Variants in TMTC2 observed in about 807,000 individuals in gnomAD.
The protein encoded by TMTC2 is transmembrane O-mannosyltransferase targeting cadherins 2.
In TMTC2, 43 loss-of-function variants were observed where a neutral mutation model predicts 82.4. The observed-to-expected ratio is 0.52, with a 90% CI of 0.41 to 0.67. The LOEUF (loss-of-function observed/expected upper bound fraction) is 0.67, where lower values mean the gene tolerates loss of function less well. TMTC2 is among the 30% of genes least tolerant of loss of function. The pLI is 0.00. For synonymous variants in TMTC2, 408 were observed against 381.9 expected, an observed-to-expected ratio of 1.07 and a Z score of -0.80; for missense variants, 919 against 1,012.4, an observed-to-expected ratio of 0.91 and a Z score of 1.25.
chr12:82,828,234 G>A (rs1387283339), intron 1 of TMTC2, among the ~76,000 whole-genome samples: 1 of 90,492 alleles, frequency 1.1e-5, no homozygotes, highest in Non-Finnish European at 2.0e-5. Context: ...TTTTTTTTCT[G>A]AGGCAGTCTC....
At chr12:82,999,412 G>A (rs904243500) in intron 8 of TMTC2, among the ~76,000 whole-genome samples, 1 of 152,128 alleles carries the variant, frequency 6.6e-6, no homozygotes, top group Non-Finnish European at 1.5e-5. Flanking sequence ...TGATAACATG[G>A]CTTGAGGTAG....
chr12:82,936,535 C>A (rs1359540994), intron 4 of TMTC2, among the ~76,000 whole-genome samples: 1 of 151,902 alleles, frequency 6.6e-6, no homozygotes, highest in Non-Finnish European at 1.5e-5. Flanking sequence ...AAGATTTAAA[C>A]ACCATTATCA....
chr12:82,792,103 T>G (rs1222254374), intron 1 of TMTC2, among the ~76,000 whole-genome samples: 2 of 151,254 alleles, frequency 1.3e-5, no homozygotes, highest in Non-Finnish European at 3.0e-5. Context: ...GTGAACAGCC[T>G]TGAGTTAAAA....
chr12:82,984,893 A>G (rs1879087126), intron 7 of TMTC2, among the ~76,000 whole-genome samples: 1 of 152,050 alleles, frequency 6.6e-6, no homozygotes, highest in South Asian at 2.1e-4. Context: ...GGTAGCTAAA[A>G]TATATATTAT....
At chr12:82,927,265 T>A (rs112931525) in intron 3 of TMTC2, among the ~76,000 whole-genome samples, 1 of 152,164 alleles carries the variant, frequency 6.6e-6, no homozygotes, top group Non-Finnish European at 1.5e-5. Flanking sequence ...CCAATCCTTA[T>A]GGATACCTTT....
intron 4 of TMTC2, among the ~76,000 whole-genome samples, chr12:82,936,558 TCTAA>T (rs1208044032): frequency 6.6e-6 from 1 of 152,108 alleles, no homozygotes; most frequent in Non-Finnish European, 1.5e-5. Context: ...TAGGCTTTAG[TCTAA>T]GATTTGTGGT....
intron 1 of TMTC2, among the ~76,000 whole-genome samples, chr12:82,723,934 A>T (rs1874324099): frequency 6.6e-6 from 1 of 152,186 alleles, no homozygotes; most frequent in Non-Finnish European, 1.5e-5. Flanking sequence ...ACCACCTGAA[A>T]TTCAGCCCCA....
intron 4 of TMTC2, among the ~76,000 whole-genome samples, chr12:82,961,030 G>A (rs912129963): frequency 1.3e-5 from 2 of 151,752 alleles, no homozygotes; most frequent in African/African-American, 4.8e-5. Flanking sequence ...CTTACCTGTT[G>A]TTTGACCTTA....
At chr12:83,060,298 G>A (rs1882693273) in intron 10 of TMTC2, among the ~76,000 whole-genome samples, 1 of 151,634 alleles carries the variant, frequency 6.6e-6, no homozygotes, top group Non-Finnish European at 1.5e-5. Flanking sequence ...CCAGAGAGAT[G>A]TTATCTTCAG....
chr12:83,017,486 T>G (rs556560478), intron 8 of TMTC2, among the ~76,000 whole-genome samples: 124 of 152,330 alleles, frequency 8.1e-4, no homozygotes, highest in Non-Finnish European at 1.4e-3. Context: ...TGTGCACCGT[T>G]ACCTTGAAAC....
At chr12:83,028,568 A>G (rs1881278036) in intron 8 of TMTC2, among the ~76,000 whole-genome samples, 1 of 151,952 alleles carries the variant, frequency 6.6e-6, no homozygotes, top group Non-Finnish European at 1.5e-5. Context: ...CGTATCCACC[A>G]TTACTGTATC....
chr12:83,050,988 A>T lies in TMTC2; in HGVS notation c.2237A>T (p.Asp746Val), dbSNP rs779148505. Residue 746 changes from aspartate to valine, a missense_variant, in exon 10 of 12, where the codon GAT becomes GTT. Physicochemically the swap from Asp to Val is radical, Grantham distance 152. Transcript: ENST00000321196. ...GCTGAACTAGACAGCACAGAGTTTG[A>T]TGTTGTCTTCAATGCTGCCCACATG... is the stretch of plus-strand genomic sequence containing the variant. ...KAAELDSTEF[D>V]VVFNAAHMLR... 6.2e-7 allele frequency: 1 copy of T among 1,612,366 alleles called. No homozygotes were observed. Among genetic ancestry groups the T allele is most frequent in the Non-Finnish European group, 8.5e-7 (1 of 1,179,002 alleles).
chr12:83,068,956 A>G (rs759699643), intron 11 of TMTC2, among the ~76,000 whole-genome samples: 2 of 151,978 alleles, frequency 1.3e-5, no homozygotes, highest in Admixed American at 6.6e-5. Context: ...AGAACATACG[A>G]TGTTTGGTTT....
intron 2 of TMTC2, among the ~76,000 whole-genome samples, chr12:82,880,101 C>A (rs932585767): frequency 3.3e-5 from 5 of 152,138 alleles, no homozygotes; most frequent in Non-Finnish European, 7.3e-5. Context: ...AGGAGCAAGA[C>A]ACATGGGTTG....
intron 1 of TMTC2, among the ~76,000 whole-genome samples, chr12:82,783,681 T>G (rs1484554497): frequency 6.6e-6 from 1 of 152,100 alleles, no homozygotes; most frequent in Non-Finnish European, 1.5e-5. Flanking sequence ...TACTAAGTTG[T>G]CATTTCATGA....
intron 2 of TMTC2, among the ~76,000 whole-genome samples, chr12:82,868,115 T>C (rs542193721): frequency 2.6e-5 from 4 of 152,338 alleles, no homozygotes; most frequent in Admixed American, 1.3e-4. Flanking sequence ...ATATAGTAAA[T>C]GTGTACTCTT....
chr12:82,830,947 C>T (rs1368214557), intron 1 of TMTC2, among the ~76,000 whole-genome samples: 1 of 151,992 alleles, frequency 6.6e-6, no homozygotes, highest in Non-Finnish European at 1.5e-5. Context: ...TAGTCCATAT[C>T]AACTTCAAGA....
chr12:82,809,374 G>A (rs942197711), intron 1 of TMTC2, among the ~76,000 whole-genome samples: 1 of 151,982 alleles, frequency 6.6e-6, no homozygotes, highest in Non-Finnish European at 1.5e-5. Flanking sequence ...TGAAATATGT[G>A]TAGCCAATTT....
At chr12:82,712,449 AAG>A (rs1873675331) in intron 1 of TMTC2, among the ~76,000 whole-genome samples, 1 of 151,262 alleles carries the variant, frequency 6.6e-6, no homozygotes, top group South Asian at 2.1e-4. Flanking sequence ...AAAAAAAAAA[AAG>A]CCACCTCACA....
Sources: gnomAD v4.1 joint callset for allele counts (sites outside exome capture counted in the v4.1 genomes callset) on GRCh38, gnomAD v4.1.1 for gene constraint, MANE v1.5 for transcripts, NCBI Gene and HGNC (gene_info 2026-07-23, HGNC 2026-07-21) for gene names.